The following MAPK3 variants were observed in gnomAD, a reference collection of about 807,000 sequenced individuals.
The protein encoded by MAPK3 is MAPK 1.
Under a neutral mutation model 41.8 loss-of-function variants are expected in MAPK3, and 30 were observed. The observed-to-expected ratio is 0.72, with a 90% confidence interval of 0.54 to 0.97. The LOEUF (loss-of-function observed/expected upper bound fraction) is 0.97, where lower values mean the gene tolerates loss of function less well. Ranked by LOEUF, MAPK3 falls within the 50% of genes least tolerant of loss-of-function variation. The probability of loss-of-function intolerance (pLI) is 0.00; values close to 1 mark genes in which losing one functional copy is unlikely to be tolerated. For missense variants in MAPK3, 413 were observed against 509.9 expected (o/e 0.81, Z 1.83); for synonymous variants, 222 against 213.4 (o/e 1.04, Z -0.35).
rs1359229217 is a variant in MAPK3, at chr16:30,122,074, C to T, written c.171-68G>A. 7 of 1,506,962 alleles carry T rather than the reference C, an allele frequency of 4.6e-6. No homozygotes were observed. In the African/African-American group the frequency reaches 8.2e-5, roughly 18 times the overall value. The allele number at this position is 1,506,962 out of a possible 1,614,324, so 93.3% of individuals were successfully genotyped here. A position where few individuals can be genotyped will look rare whatever the true frequency, so the allele number is the denominator to read the frequency against. ...GGGGAGTCCGGGCCTGGTGGCCCCACCCAGGCCTTGGCAGGGAGGGGAGAG... is the reference window on the plus strand; with the variant it reads ...GGGGAGTCCGGGCCTGGTGGCCCCATCCAGGCCTTGGCAGGGAGGGGAGAG... On this transcript the variant is annotated intron_variant, in intron 1 of 8. Coordinates refer to ENST00000263025, the MANE Select transcript of MAPK3 (RefSeq NM_002746.3).
chr16:30,123,036 T>G lies in MAPK3; in HGVS notation c.170+4A>C. Reference sequence around the variant, plus strand: ...GCACCCCCTCCCCCGGAACGCCCCCTCACCTGACCATGCCGTACGCGCCCT... The same window carrying G: ...GCACCCCCTCCCCCGGAACGCCCCCGCACCTGACCATGCCGTACGCGCCCT... On this transcript the variant is annotated splice_donor_region_variant and intron_variant, in intron 1 of 8. Coordinates refer to ENST00000263025, the MANE Select transcript of MAPK3 (RefSeq NM_002746.3). 10 of 805,046 alleles carry G rather than the reference T, an allele frequency of 1.2e-5. No individual in the cohort carries two copies. The highest frequency in any genetic ancestry group is 1.2e-5 in the Non-Finnish European group (8 of 645,270). 49.9% of individuals were successfully genotyped at this position (805,046 alleles called of 1,614,324 possible).
chr16:30,118,314 T>C lies in MAPK3; in HGVS notation c.543+35A>G, dbSNP rs758134042. The C allele has an allele frequency of 6.2e-6, 10 of 1,600,072 alleles. No individual in the cohort carries two copies. In the Admixed American group the frequency reaches 1.5e-4, roughly 24 times the overall value. On this transcript the variant is annotated intron_variant, in intron 3 of 8. Transcript: ENST00000263025. ...ACTGGTCACTGGAAGCCCCAGACCC[T>C]GGGGGAGGAGGGGACAGGTGCCCAA...
In MAPK3 at chr16:30,116,617, G is replaced by A. The variant is rs1393797402; in HGVS notation, c.*32+19C>T. 2 of 1,604,364 alleles carry A rather than the reference G, an allele frequency of 1.2e-6. No individual in the cohort carries two copies. The highest frequency in any genetic ancestry group is 1.3e-5 in the African/African-American group (1 of 74,706). ...ATTTAGTATCAGGGTGTCCATGTGT[G>A]GGCCATGGAGACACTCACCAGGCCC... On this transcript the variant is annotated intron_variant, in intron 8 of 8. Transcript: ENST00000263025.
intron 1 of MAPK3, 153 bp downstream of exon 1, chr16:30,122,887 C>A: frequency 3.0e-6 from 2 of 658,654 alleles, no homozygotes; most frequent in Non-Finnish European, 4.6e-6. Context: ...ACTCAGGGGC[C>A]CCCTCCCTGG....
In MAPK3 at chr16:30,117,750, C is replaced by A. The variant is rs981009203; in HGVS notation, c.695G>T (p.Gly232Val). The A allele has an allele frequency of 6.2e-7, 1 of 1,614,062 alleles. No individual in the cohort carries two copies. Among genetic ancestry groups the A allele is most frequent in the Non-Finnish European group, 8.5e-7 (1 of 1,179,958 alleles). ...YTKSIDIWSV[G>V]CILAEMLSNR... The stretch of plus-strand genomic sequence containing the variant: ...AGAGAGCATCTCAGCCAGAATGCAG[C>A]CCACAGACCAGATGTCGATGGACTT... The change falls in exon 5 of 9, where the codon GGC (glycine) becomes GTC (valine). Residue 232 changes from glycine (G) to valine (V), a missense_variant. Around this residue, in one of 4 missense-constraint regions of MAPK3, gnomAD observed 140 missense variants for 206.0 expected, o/e 0.68. Coordinates refer to ENST00000263025, the MANE Select transcript of MAPK3 (RefSeq NM_002746.3).
In MAPK3 at chr16:30,118,515, T is replaced by TC. The variant is rs2072982722; in HGVS notation, c.376dup (p.Glu126GlyfsTer3). ...TTTCAGCAACTTGTACAGGTCAGTC[T>TC]CCATCAGGTCCTGCACAATGTAGCT... is the stretch of plus-strand genomic sequence containing the variant. On this transcript the variant is annotated frameshift_variant, in exon 3 of 9. Coordinates refer to ENST00000263025, the MANE Select transcript of MAPK3 (RefSeq NM_002746.3). LOFTEE classifies it high-confidence loss of function. The TC allele has an allele frequency of 6.2e-7, 1 of 1,613,498 alleles. No homozygotes were observed. Among genetic ancestry groups the TC allele is most frequent in the Non-Finnish European group, 8.5e-7 (1 of 1,179,842 alleles).
At chr16:30,117,090 T>G (rs1433909553) in intron 6 of MAPK3, 64 bp downstream of exon 6, 1 of 1,604,416 alleles carries the variant, frequency 6.2e-7, no homozygotes, top group Admixed American at 1.7e-5. Context: ...CAGCGGCTGC[T>G]GGGCTCACAC....
At position 30,123,198 on chromosome 16, in the gene MAPK3, C is replaced by A. The variant is rs2073037459; in HGVS notation, c.12G>T (p.Ala4=). ...CCCCGCCCCCGCCCCCCTGAGCCGC[C>A]GCCGCCGCCATCTCCACTCCTCCCC... MAA[A]AAQGGGGGEP... is the part of the protein sequence containing the mutation. The change falls in exon 1 of 9, where the codon GCG becomes GCT. Residue 4 remains alanine, a synonymous_variant. Transcript: ENST00000263025. 3 of 1,264,656 alleles carry A rather than the reference C, an allele frequency of 2.4e-6. No homozygotes were observed. Among genetic ancestry groups the A allele is most frequent in the Non-Finnish European group, 3.1e-6 (3 of 956,736 alleles). 78.3% of individuals were successfully genotyped at this position (1,264,656 alleles called of 1,614,324 possible).
chr16:30,122,205 G>A (rs753400113), intron 1 of MAPK3, 199 bp from the exon 2 acceptor site: 3 of 611,078 alleles, frequency 4.9e-6, no homozygotes, highest in Non-Finnish European at 8.7e-6. Context: ...GCGGCCCTTC[G>A]GTGACTTTAC....
intron 1 of MAPK3, 181 bp downstream of exon 1, chr16:30,122,858 GC>G (rs1369461905): frequency 2.0e-6 from 1 of 487,974 alleles, no homozygotes; most frequent in Non-Finnish European, 3.5e-6. Flanking sequence ...CGTAGGCAGC[GC>G]CCCCTCCCCC....
intron 2 of MAPK3, among the ~76,000 whole-genome samples, chr16:30,119,999 C>T (rs535731164): frequency 6.0e-4 from 91 of 152,196 alleles, no homozygotes; most frequent in African/African-American, 2.1e-3. Flanking sequence ...CGAAACCCCG[C>T]ATCTACTGAA....
intron 2 of MAPK3, among the ~76,000 whole-genome samples, chr16:30,119,179 A>G (rs2072991653): frequency 6.6e-6 from 1 of 151,830 alleles, no homozygotes; most frequent in South Asian, 2.1e-4. Flanking sequence ...AAACCTACAA[A>G]AAGAGCAGCA....
At chr16:30,119,306 T>G (rs1567355918) in intron 2 of MAPK3, among the ~76,000 whole-genome samples, 9 of 152,192 alleles carry the variant, frequency 5.9e-5, no homozygotes, top group South Asian at 4.2e-4. Context: ...AATAATGTTT[T>G]TTTGTTTGTT....
In MAPK3 at chr16:30,116,718, T is replaced by G; in HGVS notation, c.1090A>C (p.Ile364Leu). ...TGGAAGCGTGCTGTCTCCTGGAAGA[T>G]GAGCTCCTTCAGCCGCTCCTTAGGT... The part of the protein sequence containing the change: ...DLPKERLKEL[I>L]FQETARFQPG... The change falls in exon 8 of 9, where the codon ATC becomes CTC. Residue 364 changes from isoleucine (I) to leucine (L), a missense_variant. Around this residue, in one of 4 missense-constraint regions of MAPK3, gnomAD observed 123 missense variants for 147.8 expected, o/e 0.83. Coordinates refer to ENST00000263025, the MANE Select transcript of MAPK3 (RefSeq NM_002746.3). 4 of 1,613,908 alleles carry G rather than the reference T, an allele frequency of 2.5e-6. No individual in the cohort carries two copies. The highest frequency in any genetic ancestry group is 8.5e-7 in the Non-Finnish European group (1 of 1,179,996).
Position 30,117,730 on chromosome 16 carries a change from G to C in MAPK3, c.715C>G (p.Leu239Val). Residue 239 changes from leucine (L) to valine (V), a missense_variant, in exon 5 of 9, where the codon CTC becomes GTC. Around this residue, in one of 4 missense-constraint regions of MAPK3, gnomAD observed 140 missense variants for 206.0 expected, o/e 0.68. Transcript: ENST00000263025. The part of the protein sequence containing the change: ...WSVGCILAEM[L>V]SNRPIFPGKH... ...CCAGGGAAGATGGGCCGGTTAGAGAGCATCTCAGCCAGAATGCAGCCCACA... is the reference window on the plus strand; with the variant it reads ...CCAGGGAAGATGGGCCGGTTAGAGACCATCTCAGCCAGAATGCAGCCCACA... 6.2e-7 allele frequency: 1 copy of C among 1,614,138 alleles called. No individual in the cohort carries two copies. The highest frequency in any genetic ancestry group is 8.5e-7 in the Non-Finnish European group (1 of 1,179,996).
At chr16:30,122,275 T>C in intron 1 of MAPK3, 1 of 526,588 alleles carries the variant, frequency 1.9e-6, no homozygotes, top group Admixed American at 3.2e-5. Flanking sequence ...CCTTCCATTC[T>C]ACTGGCCCTG....
intron 4 of MAPK3, 56 bp from the exon 5 acceptor site, chr16:30,117,840 G>T: frequency 7.2e-7 from 1 of 1,393,464 alleles, no homozygotes; most frequent in African/African-American, 1.4e-5. Flanking sequence ...GGGTCCTGTT[G>T]TCTGCGCCAG....
Position 30,118,459 on chromosome 16 carries a change from A to AGCAGATATG in MAPK3, c.424_432dup (p.His142_Cys144dup). 1 of 1,614,030 alleles carries AGCAGATATG rather than the reference A, an allele frequency of 6.2e-7. No individual in the cohort carries two copies. Among genetic ancestry groups the AGCAGATATG allele is most frequent in the Non-Finnish European group, 8.5e-7 (1 of 1,180,004 alleles). ...CCCCGCAGGATCTGGTAGAGGAAGT[A>AGCAGATATG]GCAGATATGGTCATTGCTCAGCTGC... On this transcript the variant is annotated inframe_insertion, in exon 3 of 9. Transcript: ENST00000263025.
intron 1 of MAPK3, 177 bp downstream of exon 1, chr16:30,122,863 C>T (rs1474387780): frequency 4.0e-6 from 2 of 504,670 alleles, no homozygotes; most frequent in African/African-American, 2.0e-5. Context: ...GCAGCGCCCC[C>T]TCCCCCAGAA....
Sources: allele counts gnomAD v4.1 joint callset (sites outside exome capture counted in the v4.1 genomes callset), GRCh38; gene constraint gnomAD v4.1.1; regional missense constraint gnomAD v4.1.1; transcripts MANE v1.5; gene names NCBI Gene and HGNC (gene_info 2026-07-23, HGNC 2026-07-21).